Variants in FYN observed in about 807,000 individuals in gnomAD.
FYN encodes the protein FYN proto-oncogene, Src family tyrosine kinase, also known as tyrosine-protein kinase Fyn.
A neutral mutation model predicts 70.2 loss-of-function variants in FYN; 10 were observed. The observed-to-expected ratio is 0.14, with a 90% CI of 0.09 to 0.24. The LOEUF (loss-of-function observed/expected upper bound fraction) is 0.24, where lower values mean the gene tolerates loss of function less well. FYN is among the 10% of genes least tolerant of loss of function. The pLI, the probability that FYN is intolerant of heterozygous loss-of-function variation, is 1.00. For synonymous variants in FYN, 236 were observed against 248.6 expected, an observed-to-expected ratio of 0.95 and a Z score of 0.48; for missense variants, 319 against 673.1, an observed-to-expected ratio of 0.47 and a Z score of 5.82.
chr6:111,835,692 T>C (rs1773162471), intron 2 of FYN, among the ~76,000 whole-genome samples: 1 of 152,110 alleles, frequency 6.6e-6, no homozygotes. Context: ...GGGGTGTCTG[T>C]AATGAGCTAG....
intron 2 of FYN, among the ~76,000 whole-genome samples, chr6:111,803,194 T>C (rs1772041866): frequency 6.6e-6 from 1 of 152,258 alleles, no homozygotes; most frequent in East Asian, 1.9e-4. Flanking sequence ...GCACTGCTTT[T>C]GGCTAACTGG....
chr6:111,688,217 C>G (rs956187018), intron 12 of FYN, among the ~76,000 whole-genome samples: 3 of 152,172 alleles, frequency 2.0e-5, no homozygotes, highest in African/African-American at 7.2e-5. Context: ...CTCAGAGGGG[C>G]CAGAACTTAT....
At chr6:111,696,555 T>A in intron 9 of FYN, 99 bp from the exon 10 acceptor site, 1 of 930,422 alleles carries the variant, frequency 1.1e-6, no homozygotes, top group Non-Finnish European at 1.6e-6. Context: ...ATTTTAAATT[T>A]AAAACACTTA....
At chr6:111,693,981 GC>G (rs2128435212) in intron 12 of FYN, among the ~76,000 whole-genome samples, 1 of 152,240 alleles carries the variant, frequency 6.6e-6, no homozygotes, top group Non-Finnish European at 1.5e-5. Flanking sequence ...ACTGCACCAT[GC>G]CCTGTTGGCT....
chr6:111,779,121 A>AT (rs397934539), intron 3 of FYN, among the ~76,000 whole-genome samples: 36,587 of 91,220 alleles, frequency 0.4, 8,740 homozygotes, highest in East Asian at 0.55. Flanking sequence ...AGTAGGAGAC[A>AT]TTTTTTTTTT....
At chr6:111,743,066 A>C (rs1282150725) in intron 3 of FYN, among the ~76,000 whole-genome samples, 1 of 150,710 alleles carries the variant, frequency 6.6e-6, no homozygotes, top group Non-Finnish European at 1.5e-5. Context: ...TCCCGGTTTC[A>C]AGCAATTCTC....
At chr6:111,699,105 C>G (rs530631536) in intron 9 of FYN, among the ~76,000 whole-genome samples, 1 of 152,186 alleles carries the variant, frequency 6.6e-6, no homozygotes, top group African/African-American at 2.4e-5. Flanking sequence ...AGGTATCATT[C>G]CAATTTTACA....
At chr6:111,776,114 CAA>C (rs762724427) in intron 3 of FYN, among the ~76,000 whole-genome samples, 2 of 151,964 alleles carry the variant, frequency 1.3e-5, no homozygotes, top group Non-Finnish European at 1.5e-5. Context: ...CCTTGAAGGC[CAA>C]AAGTCTCAGG....
intron 1 of FYN, among the ~76,000 whole-genome samples, chr6:111,871,728 T>C (rs1445359712): frequency 6.6e-6 from 1 of 152,192 alleles, no homozygotes. Flanking sequence ...TCTTAGTACT[T>C]GTTCCCAAAA....
At chr6:111,774,083 C>G (rs1477486259) in intron 3 of FYN, among the ~76,000 whole-genome samples, 1 of 152,196 alleles carries the variant, frequency 6.6e-6, no homozygotes, top group East Asian at 1.9e-4. Flanking sequence ...AAAGACAGTA[C>G]TCTCTCTCAC....
intron 3 of FYN, among the ~76,000 whole-genome samples, chr6:111,741,682 C>T (rs1480931754): frequency 6.6e-6 from 1 of 152,182 alleles, no homozygotes; most frequent in Non-Finnish European, 1.5e-5. Context: ...GACATTTGGT[C>T]CAATCCCACC....
intron 1 of FYN, among the ~76,000 whole-genome samples, chr6:111,851,168 G>A (rs1243070107): frequency 6.6e-6 from 1 of 152,326 alleles, no homozygotes; most frequent in South Asian, 2.1e-4. Flanking sequence ...TCTAGTAGAG[G>A]ACAGCAGAGG....
chr6:111,734,994 CAGAG>C (rs1191703403), intron 3 of FYN, among the ~76,000 whole-genome samples: 2 of 152,136 alleles, frequency 1.3e-5, no homozygotes, highest in Non-Finnish European at 2.9e-5. Flanking sequence ...AGAGGGGACA[CAGAG>C]GGAGTTCTAA....
intron 2 of FYN, among the ~76,000 whole-genome samples, chr6:111,782,701 G>A (rs973607271): frequency 6.6e-6 from 1 of 152,170 alleles, no homozygotes; most frequent in African/African-American, 2.4e-5. Flanking sequence ...CTAGCCCAGA[G>A]TAGCAGATAC....
At chr6:111,765,719 G>T (rs527877457) in intron 3 of FYN, among the ~76,000 whole-genome samples, 1 of 151,914 alleles carries the variant, frequency 6.6e-6, no homozygotes, top group South Asian at 2.1e-4. Flanking sequence ...GATGGACTAG[G>T]AAGAAGTGAC....
At chr6:111,678,008 C>T (rs893139141) in intron 12 of FYN, among the ~76,000 whole-genome samples, 1 of 151,888 alleles carries the variant, frequency 6.6e-6, no homozygotes, top group Non-Finnish European at 1.5e-5. Context: ...TCCATGTTTA[C>T]ATGAATTCAA....
intron 2 of FYN, among the ~76,000 whole-genome samples, chr6:111,796,566 G>A (rs923524864): frequency 4.6e-5 from 7 of 152,118 alleles, no homozygotes; most frequent in African/African-American, 9.7e-5. Context: ...GAAGCAACGC[G>A]TGACTGTACA....
chr6:111,750,558 C>A (rs1354220793), intron 3 of FYN, among the ~76,000 whole-genome samples: 2 of 152,030 alleles, frequency 1.3e-5, no homozygotes, highest in Non-Finnish European at 2.9e-5. Flanking sequence ...ATACAATGAC[C>A]ATAAATGCCT....
intron 3 of FYN, 94 bp from the exon 4 acceptor site, chr6:111,720,156 T>C (rs706895): frequency 0.28 from 404,792 of 1,424,162 alleles, 70,761 homozygotes; most frequent in African/African-American, 0.79. Flanking sequence ...CAAGGCTCAC[T>C]GTTGGCTATT....
Sources: gnomAD v4.1 joint callset for allele counts (sites outside exome capture counted in the v4.1 genomes callset) on GRCh38, gnomAD v4.1.1 for gene constraint, MANE v1.5 for transcripts, NCBI Gene and HGNC (gene_info 2026-07-23, HGNC 2026-07-21) for gene names.